IPO8: variants seen among roughly 807,000 people sequenced by gnomAD.
The protein encoded by IPO8 is importin 8.
Under a neutral mutation model 141.2 loss-of-function variants are expected in IPO8, and 65 were observed. The observed-to-expected ratio is 0.46, with a 90% CI of 0.38 to 0.57. The LOEUF is 0.57. Among genes scored for constraint, IPO8 ranks in the 20% least tolerant of loss-of-function variants. The pLI, the probability that IPO8 is intolerant of heterozygous loss-of-function variation, is 0.00. For missense variants in IPO8, 980 were observed against 1,246.8 expected (o/e 0.79, Z 3.22); for synonymous variants, 411 against 420.3 (o/e 0.98, Z 0.27).
chr12:30,641,466 A>C (rs1273154338), intron 20 of IPO8, among the ~76,000 whole-genome samples: 1 of 148,590 alleles, frequency 6.7e-6, no homozygotes, highest in African/African-American at 2.5e-5. Flanking sequence ...TGGTTCCCAT[A>C]TCCGTTACCA....
At position 30,695,191 on chromosome 12, in the gene IPO8, C is replaced by T; in HGVS notation, c.84+373G>A. On this transcript the variant is annotated intron_variant, in intron 1 of 24. Coordinates refer to ENST00000256079, the MANE Select transcript of IPO8 (RefSeq NM_006390.4). This position sits in a 1 kb window ranked among gnomAD's most constrained non-coding sequence, Gnocchi z 4.2. ...GAAAAAAGCTGAACTCAGATTTGAA[C>T]TGTAAGTAAAATTCCCACCTGCTCC... 2 of 391,762 alleles carry T rather than the reference C, an allele frequency of 5.1e-6. No individual in the cohort carries two copies. The highest frequency in any genetic ancestry group is 9.8e-6 in the Non-Finnish European group (2 of 204,978). 24.3% of individuals were successfully genotyped at this position (391,762 alleles called of 1,614,324 possible). A position where few individuals can be genotyped will look rare whatever the true frequency, so the allele number is the denominator to read the frequency against.
intron 19 of IPO8, among the ~76,000 whole-genome samples, chr12:30,650,470 A>T (rs2052710777): frequency 1.3e-5 from 2 of 152,212 alleles, no homozygotes; most frequent in East Asian, 3.9e-4. Context: ...ATAAATTTAA[A>T]ATGCTATCTC....
In IPO8 at chr12:30,681,781, T is replaced by G. The variant is rs773209926; in HGVS notation, c.360A>C (p.Lys120Asn). 1.2e-6 allele frequency: 2 copies of G among 1,613,768 alleles called. No individual in the cohort carries two copies. The highest frequency in any genetic ancestry group is 2.2e-5 in the South Asian group (2 of 91,040). Reference protein sequence around the residue: ...QLTMCLRAIIKHDFPGHWPGV... With the variant: ...QLTMCLRAIINHDFPGHWPGV... ...CTGGCCAGTGACCAGGAAAATCATG[T>G]TTTATGATGGCACGGAGACACATTG... The change falls in exon 4 of 25, where the codon AAA becomes AAC. Residue 120 changes from lysine (K) to asparagine (N), a missense_variant. Physicochemically the swap from Lys to Asn is moderately conservative, Grantham distance 94. Transcript: ENST00000256079.
At chr12:30,677,017 A>G (rs1460835384) in intron 5 of IPO8, 5 of 1,528,826 alleles carry the variant, frequency 3.3e-6, no homozygotes, top group Admixed American at 2.0e-5. Flanking sequence ...ACTACAGTCC[A>G]CTTTGTACTA....
In IPO8 at chr12:30,692,552, G is replaced by C. The variant is rs538310971; in HGVS notation, c.85-1975C>G. ...CTCAATGATTTCCTGAGGATATTTT[G>C]TATCTGTGAAGTTTTCTGCAAATAC... is the stretch of plus-strand genomic sequence containing the variant. On this transcript the variant is annotated intron_variant, in intron 1 of 24. Coordinates refer to ENST00000256079, the MANE Select transcript of IPO8 (RefSeq NM_006390.4). Among the ~76,000 whole-genome samples, 16 of 152,288 alleles carry C rather than the reference G, an allele frequency of 1.1e-4. No individual in the cohort carries two copies. In the South Asian group the frequency reaches 3.1e-3, roughly 30 times the overall value.
chr12:30,693,695 A>G (rs6487932), intron 1 of IPO8, among the ~76,000 whole-genome samples: 98,603 of 152,114 alleles, frequency 0.65, 33,350 homozygotes, highest in African/African-American at 0.84. Flanking sequence ...ATTTACAGCC[A>G]ATTCAAAAAA....
intron 16 of IPO8, among the ~76,000 whole-genome samples, chr12:30,657,590 T>C (rs773563869): frequency 6.6e-6 from 1 of 152,158 alleles, no homozygotes; most frequent in African/African-American, 2.4e-5. Context: ...TAAAAGGCCA[T>C]TCATTCATTT....
At position 30,637,271 on chromosome 12, in the gene IPO8, C is replaced by A. The variant is rs540540349; in HGVS notation, c.2490-84G>T. ...CTGGAGAAACTACAAAAAGAAATGT[C>A]CAAGGCATACTCTAAGGTTCATCTG... On this transcript the variant is annotated intron_variant, in intron 21 of 24. Transcript: ENST00000256079. The A allele has an allele frequency of 1.1e-5, 11 of 975,546 alleles. No individual in the cohort carries two copies. In the East Asian group the frequency reaches 2.7e-4, roughly 24 times the overall value. The allele number at this position is 975,546 out of a possible 1,614,324, so 60.4% of individuals were successfully genotyped here. A position where few individuals can be genotyped will look rare whatever the true frequency, so the allele number is the denominator to read the frequency against.
chr12:30,649,190 C>T lies in IPO8; in HGVS notation c.2215G>A (p.Ala739Thr). ...AGAATGATGACTTCCAGAAGTTTAG[C>T]TGCATGACACTCTGCATCTTCTCCT... is the stretch of plus-strand genomic sequence containing the variant. Reference protein sequence around the residue: ...DAGEDAECHAAKLLEVIILQC... With the variant: ...DAGEDAECHATKLLEVIILQC... The change falls in exon 20 of 25, where the codon GCT becomes ACT. Residue 739 changes from alanine to threonine, a missense_variant. Coordinates refer to ENST00000256079, the MANE Select transcript of IPO8 (RefSeq NM_006390.4). The T allele has an allele frequency of 6.2e-7, 1 of 1,613,294 alleles. No individual in the cohort carries two copies. Among genetic ancestry groups the T allele is most frequent in the South Asian group, 1.1e-5 (1 of 91,022 alleles).
chr12:30,677,091 C>G, intron 5 of IPO8: 1 of 1,512,916 alleles, frequency 6.6e-7, no homozygotes, highest in Non-Finnish European at 8.8e-7. Flanking sequence ...GCCTCCACAT[C>G]CATTCAGTAC....
At position 30,631,958 on chromosome 12, in the gene IPO8, C is replaced by T. The variant is rs781028020; in HGVS notation, c.2953G>A (p.Glu985Lys). 21 of 1,613,062 alleles carry T rather than the reference C, an allele frequency of 1.3e-5. No homozygotes were observed. Among genetic ancestry groups the T allele is most frequent in the East Asian group, 8.9e-5 (4 of 44,892 alleles). ...WYQLLMAPLS[E>K]DQRTALQEVY... ...TCCTGCAGTGCTGTCCTCTGATCCT[C>T]GCTGAGTGGTGCCATCAGCAGCTGG... The change falls in exon 24 of 25, where the codon GAG (glutamate) becomes AAG (lysine). Residue 985 changes from glutamate to lysine, a missense_variant. Glu to Lys is a moderately conservative substitution (Grantham distance 56). Coordinates refer to ENST00000256079, the MANE Select transcript of IPO8 (RefSeq NM_006390.4).
chr12:30,669,150 G>A (rs2053011268), intron 10 of IPO8, 33 bp downstream of exon 10: 2 of 915,394 alleles, frequency 2.2e-6, no homozygotes, highest in Non-Finnish European at 3.4e-6. Flanking sequence ...TACATATCCA[G>A]GAACTGATGA....
intron 19 of IPO8, among the ~76,000 whole-genome samples, chr12:30,650,384 A>G (rs2052709420): frequency 6.6e-6 from 1 of 152,144 alleles, no homozygotes; most frequent in Non-Finnish European, 1.5e-5. Context: ...ACAGCAATAC[A>G]CATTTTGGAA....
At chr12:30,652,917 G>A (rs2052747898) in intron 18 of IPO8, 50 bp downstream of exon 18, 19 of 1,490,052 alleles carry the variant, frequency 1.3e-5, no homozygotes, top group Middle Eastern at 1.8e-4. Flanking sequence ...TCAACAGGAA[G>A]AAGTATCTAG....
intron 20 of IPO8, among the ~76,000 whole-genome samples, chr12:30,640,587 A>C (rs910563706): frequency 1.3e-5 from 2 of 152,198 alleles, no homozygotes; most frequent in African/African-American, 4.8e-5. Context: ...ACGTCTACTT[A>C]TGCTGATACA....
At chr12:30,642,965 A>C (rs2052594876) in intron 20 of IPO8, among the ~76,000 whole-genome samples, 1 of 152,230 alleles carries the variant, frequency 6.6e-6, no homozygotes, top group African/African-American at 2.4e-5. Flanking sequence ...GATACTAAAA[A>C]TTTTTAAAAC....
intron 10 of IPO8, among the ~76,000 whole-genome samples, chr12:30,667,173 G>C (rs77123071): frequency 6.6e-6 from 1 of 152,184 alleles, no homozygotes; most frequent in Non-Finnish European, 1.5e-5. Context: ...CAAGCAGTAT[G>C]CTACAGTTTT....
chr12:30,666,324 C>T, intron 10 of IPO8, 73 bp from the exon 11 acceptor site: 2 of 1,145,624 alleles, frequency 1.7e-6, no homozygotes, highest in Non-Finnish European at 2.5e-6. Flanking sequence ...ACCTGACTGA[C>T]CGCTATTCCA....
chr12:30,679,185 G>A (rs1012401699), intron 5 of IPO8, among the ~76,000 whole-genome samples: 14 of 151,962 alleles, frequency 9.2e-5, no homozygotes, highest in South Asian at 6.2e-4. Flanking sequence ...TCATATTATC[G>A]CTTTTTACTT....
Sources: gnomAD v4.1 joint callset for allele counts (sites outside exome capture counted in the v4.1 genomes callset) on GRCh38, gnomAD v4.1.1 for gene constraint, Gnocchi (gnomAD v3.1) non-coding constraint, MANE v1.5 for transcripts, NCBI Gene and HGNC (gene_info 2026-07-23, HGNC 2026-07-21) for gene names.